TUBGCP6: variants seen among roughly 807,000 people sequenced by gnomAD.
The protein encoded by TUBGCP6 is tubulin gamma complex component 6, also known as gamma-tubulin complex component 6.
A neutral mutation model predicts 175.8 loss-of-function variants in TUBGCP6; 161 were observed. That is an observed-to-expected ratio of 0.92 (90% CI 0.81 to 1.04). TUBGCP6 has a LOEUF of 1.04. Ranked by LOEUF, TUBGCP6 falls within the 50% of genes least tolerant of loss-of-function variation. The pLI is 0.00. For synonymous variants in TUBGCP6, 1,173 were observed against 1,030.5 expected, an observed-to-expected ratio of 1.14 and a Z score of -2.65; for missense variants, 2,572 against 2,433.0, an observed-to-expected ratio of 1.06 and a Z score of -1.20.
intron 14 of TUBGCP6, 104 bp downstream of exon 14, chr22:50,222,350 C>T (rs1355800824): frequency 3.3e-6 from 5 of 1,525,736 alleles, no homozygotes; most frequent in East Asian, 2.3e-5. Flanking sequence ...GCGAAAGCCA[C>T]CAGCCCTCTC....
chr22:50,220,140 CAAG>C (rs910571924), intron 16 of TUBGCP6, 108 bp downstream of exon 16: 35 of 1,549,380 alleles, frequency 2.3e-5, no homozygotes, highest in South Asian at 1.2e-4. Context: ...TCCTGGCTGA[CAAG>C]GAGGCCTGAG....
In TUBGCP6 at chr22:50,218,844, A is replaced by C; in HGVS notation, c.4680T>G (p.Ser1560=). ...GELLNPLVLN[S]VLSKALQCSL... is the part of the protein sequence containing the mutation. ...TGCACTGCAGGGCCTTGCTCAGCAC[A>C]GAGTTCAGCACCAGCGGGTTGAGCA... Residue 1560 remains serine (S), a synonymous_variant, in exon 21 of 25, where the codon TCT becomes TCG. Coordinates refer to ENST00000248846, the MANE Select transcript of TUBGCP6 (RefSeq NM_020461.4). 1 of 1,614,048 alleles carries C rather than the reference A, an allele frequency of 6.2e-7. No individual in the cohort carries two copies.
chr22:50,243,630 AAAAAG>A (rs1256404272), intron 1 of TUBGCP6, 84 bp downstream of exon 1: 52 of 1,153,470 alleles, frequency 4.5e-5, no homozygotes, highest in Admixed American at 5.4e-5. Context: ...AAAAAAAAAA[AAAAAG>A]AAGAAGAAGA....
intron 1 of TUBGCP6, among the ~76,000 whole-genome samples, chr22:50,241,398 A>C (rs913830350): frequency 5.3e-5 from 8 of 151,892 alleles, no homozygotes; most frequent in Non-Finnish European, 1.2e-4. Context: ...TTAGCAGACC[A>C]GGAAAGGGAG....
chr22:50,227,468 G>C (rs893148191), intron 5 of TUBGCP6, among the ~76,000 whole-genome samples: 1 of 152,138 alleles, frequency 6.6e-6, no homozygotes, highest in African/African-American at 2.4e-5. Flanking sequence ...GCCCCACAGT[G>C]TCTCAGCCCT....
chr22:50,222,523 CCA>C lies in TUBGCP6; in HGVS notation c.2338_2339del (p.Trp780GlufsTer19), dbSNP rs751861320. The C allele has an allele frequency of 6.2e-7, 1 of 1,613,774 alleles. No homozygotes were observed. Among genetic ancestry groups the C allele is most frequent in the Non-Finnish European group, 8.5e-7 (1 of 1,180,030 alleles). ...TCTCCAGTCGGTGCCTCTGGATTCTCCACAGTGCCTTCTGCTCCCGACGAGCT... is the reference window on the plus strand; with the variant it reads ...TCTCCAGTCGGTGCCTCTGGATTCTCCAGTGCCTTCTGCTCCCGACGAGCT... ...EAARREQKAL[W>X]RIQRHRLESA... On this transcript the variant is annotated frameshift_variant, in exon 14 of 25. Transcript: ENST00000248846. LOFTEE classifies it high-confidence loss of function.
chr22:50,222,243 T>G (rs1410889368), intron 14 of TUBGCP6, 141 bp from the exon 15 acceptor site: 12 of 1,162,760 alleles, frequency 1.0e-5, no homozygotes, highest in Non-Finnish European at 1.5e-5. Flanking sequence ...AGTGGGACGC[T>G]GGGCCTGCAA....
intron 2 of TUBGCP6, among the ~76,000 whole-genome samples, chr22:50,236,325 T>C (rs1335969140): frequency 6.6e-6 from 1 of 152,032 alleles, no homozygotes; most frequent in Non-Finnish European, 1.5e-5. Context: ...TTAGCAGAGA[T>C]GGGGTTTCAC....
Position 50,233,428 on chromosome 22 carries a change from G to A in TUBGCP6, c.1004C>T (p.Ala335Val). 1 of 1,613,788 alleles carries A rather than the reference G, an allele frequency of 6.2e-7. No homozygotes were observed. Among genetic ancestry groups the A allele is most frequent in the Non-Finnish European group, 8.5e-7 (1 of 1,179,852 alleles). Residue 335 changes from alanine (A) to valine (V), a missense_variant, in exon 3 of 25, where the codon GCT becomes GTT. Ala to Val is a moderately conservative substitution (Grantham distance 64). Transcript: ENST00000248846. Reference sequence around the variant, plus strand: ...CTGCGGGGCCTGTAGGACGCCCCCAGCAAGCAGCTGGAGCTCCCCTTGGTG... The same window carrying A: ...CTGCGGGGCCTGTAGGACGCCCCCAACAAGCAGCTGGAGCTCCCCTTGGTG... ...RLHQGELQLLAGGVLQAPQPV... is the reference protein window; with the variant it reads ...RLHQGELQLLVGGVLQAPQPV...
Position 50,218,014 on chromosome 22 carries a change from G to T in TUBGCP6, c.5272C>A (p.Pro1758Thr), listed in dbSNP as rs761960582. The change falls in exon 24 of 25, where the codon CCC becomes ACC. Residue 1758 changes from proline (P) to threonine (T), a missense_variant. Coordinates refer to ENST00000248846, the MANE Select transcript of TUBGCP6 (RefSeq NM_020461.4). ...TCTGCACCCCGCGGGCCCCCAGGGG[G>T]CCCCCAGGCCTGGGAGATGAGCTGG... ...RSQLISQAWG[P>T]PGGPRGAEHP... 7 of 1,612,540 alleles carry T rather than the reference G, an allele frequency of 4.3e-6. No individual in the cohort carries two copies. The South Asian group carries it at 5.5e-5, about 13-fold the overall frequency.
At chr22:50,235,505 C>T (rs1464778564) in intron 2 of TUBGCP6, among the ~76,000 whole-genome samples, 1 of 152,206 alleles carries the variant, frequency 6.6e-6, no homozygotes, top group Non-Finnish European at 1.5e-5. Flanking sequence ...TCAAGGACGC[C>T]GTGTGGAGTG....
At chr22:50,242,368 A>C (rs2064850610) in intron 1 of TUBGCP6, among the ~76,000 whole-genome samples, 1 of 151,968 alleles carries the variant, frequency 6.6e-6, no homozygotes, top group Non-Finnish European at 1.5e-5. Context: ...GTGGTGACGC[A>C]CACCTGTAGT....
At chr22:50,239,884 A>AT (rs1236681012) in intron 2 of TUBGCP6, among the ~76,000 whole-genome samples, 1 of 152,116 alleles carries the variant, frequency 6.6e-6, no homozygotes, top group Non-Finnish European at 1.5e-5. Flanking sequence ...GGCAGGTGTG[A>AT]TCTGGTTACT....
At chr22:50,224,465 G>A (rs372393628) in intron 11 of TUBGCP6, 45 bp from the exon 12 acceptor site, 2 of 1,613,920 alleles carry the variant, frequency 1.2e-6, no homozygotes, top group African/African-American at 2.7e-5. Flanking sequence ...GGAGGCCCCA[G>A]CAAGGCCCCC....
Position 50,219,775 on chromosome 22 carries a change from T to TA in TUBGCP6, c.4183_4184insT (p.Gln1395LeufsTer8). Reference sequence around the variant, plus strand: ...CTCCTCACCACGGCCTGGGCTGCTCTGGGCAGCTGTGTCTTCCTAACAAAA... The same window carrying TA: ...CTCCTCACCACGGCCTGGGCTGCTCTAGGGCAGCTGTGTCTTCCTAACAAAA... On this transcript the variant is annotated frameshift_variant, in exon 18 of 25. Coordinates refer to ENST00000248846, the MANE Select transcript of TUBGCP6 (RefSeq NM_020461.4). LOFTEE classifies it high-confidence loss of function. The TA allele has an allele frequency of 6.2e-7, 1 of 1,613,556 alleles. No homozygotes were observed. The highest frequency in any genetic ancestry group is 8.5e-7 in the Non-Finnish European group (1 of 1,179,812).
At chr22:50,225,747 C>T in intron 10 of TUBGCP6, 47 bp downstream of exon 10, 2 of 1,574,098 alleles carry the variant, frequency 1.3e-6, no homozygotes, top group Non-Finnish European at 8.6e-7. Context: ...CCCCAGGAAG[C>T]AGAGGCAGGG....
chr22:50,232,583 G>T (rs945895152), intron 3 of TUBGCP6, among the ~76,000 whole-genome samples: 2 of 152,112 alleles, frequency 1.3e-5, no homozygotes, highest in East Asian at 1.9e-4. Flanking sequence ...GTCAGGGTTG[G>T]TTCCACACAA....
At position 50,226,371 on chromosome 22, in the gene TUBGCP6, G is replaced by A. The variant is rs749435327; in HGVS notation, c.1609C>T (p.His537Tyr). 6.2e-7 allele frequency: 1 copy of A among 1,606,828 alleles called. No individual in the cohort carries two copies. Among genetic ancestry groups the A allele is most frequent in the Non-Finnish European group, 8.5e-7 (1 of 1,176,680 alleles). The part of the protein sequence containing the change: ...TSCEPYTRFI[H>Y]DWVYSGVFRD... ...AACACCCCGCTGTACACCCAGTCGT[G>A]GATGAACCTGCAGTGGGGGAAAAGC... Residue 537 changes from histidine (H) to tyrosine (Y), a missense_variant, in exon 8 of 25, where the codon CAC (histidine) becomes TAC (tyrosine). Coordinates refer to ENST00000248846, the MANE Select transcript of TUBGCP6 (RefSeq NM_020461.4).
rs746064745 is a variant in TUBGCP6 at position 50,224,601 on chromosome 22, G to C, written c.1984-9C>G. 6 of 1,613,276 alleles carry C rather than the reference G, an allele frequency of 3.7e-6. No individual in the cohort carries two copies. In the Admixed American group the frequency reaches 1.0e-4, roughly 27 times the overall value. ...ATTTCCATACGTAATTCCTGAGAAAGACAACTGGTAATCAAAGCATCCTGG... is the reference window on the plus strand; with the variant it reads ...ATTTCCATACGTAATTCCTGAGAAACACAACTGGTAATCAAAGCATCCTGG... On this transcript the variant is annotated splice_polypyrimidine_tract_variant and intron_variant, in intron 10 of 24. Coordinates refer to ENST00000248846, the MANE Select transcript of TUBGCP6 (RefSeq NM_020461.4).
Sources: allele counts gnomAD v4.1 joint callset (sites outside exome capture counted in the v4.1 genomes callset), GRCh38; gene constraint gnomAD v4.1.1; transcripts MANE v1.5; gene names NCBI Gene and HGNC (gene_info 2026-07-23, HGNC 2026-07-21).